Variants in FCRL1 observed in about 807,000 individuals in gnomAD.
FCRL1 encodes Fc receptor-like protein 1.
A neutral mutation model predicts 49.2 loss-of-function variants in FCRL1; 34 were observed. That is an observed-to-expected ratio of 0.69 (90% CI 0.53 to 0.92). The LOEUF is 0.92. FCRL1 is among the 40% of genes least tolerant of loss of function. The pLI, the probability that FCRL1 is intolerant of heterozygous loss-of-function variation, is 0.00. For synonymous variants in FCRL1, 218 were observed against 201.6 expected, an observed-to-expected ratio of 1.08 and a Z score of -0.69; for missense variants, 524 against 524.1, an observed-to-expected ratio of 1.00 and a Z score of 0.00.
At chr1:157,800,025 A>G (rs1381523584) in intron 7 of FCRL1, 33 bp downstream of exon 7, 4 of 1,586,370 alleles carry the variant, frequency 2.5e-6, no homozygotes, top group South Asian at 1.1e-5. Flanking sequence ...ATTTTTCTGC[A>G]TTATTGACAC....
intron 2 of FCRL1, among the ~76,000 whole-genome samples, chr1:157,804,857 CTT>C (rs10715283): frequency 1.7e-4 from 24 of 140,776 alleles, no homozygotes; most frequent in African/African-American, 3.8e-4. Flanking sequence ...TTTTCTTTTT[CTT>C]TTTTTTTTTT....
intron 2 of FCRL1, among the ~76,000 whole-genome samples, chr1:157,805,173 G>T (rs1198489542): frequency 1.3e-5 from 2 of 152,036 alleles, no homozygotes; most frequent in Non-Finnish European, 2.9e-5. Context: ...GCTCTTTTCT[G>T]GTGATAAGAT....
In FCRL1 at chr1:157,797,100, C is replaced by G. The variant is rs1172990433; in HGVS notation, c.1218+1G>C. 2 of 1,613,512 alleles carry G rather than the reference C, an allele frequency of 1.2e-6. No homozygotes were observed. The highest frequency in any genetic ancestry group is 2.7e-5 in the African/African-American group (2 of 74,886). ...GAAGAAAGAACAATAGAGACTCTTA[C>G]CTTGTCCTCCATATGTGTCCCCAGG... On this transcript the variant is annotated splice_donor_variant, in intron 10 of 10. Transcript: ENST00000368176. LOFTEE classifies it high-confidence loss of function.
At chr1:157,799,193 G>T (rs1177936456) in intron 7 of FCRL1, among the ~76,000 whole-genome samples, 2 of 152,032 alleles carry the variant, frequency 1.3e-5, no homozygotes, top group African/African-American at 2.4e-5. Flanking sequence ...TACAGACAGG[G>T]TTTCACCATG....
At chr1:157,800,231 G>A in intron 6 of FCRL1, 146 bp from the exon 7 acceptor site, 7 of 576,150 alleles carry the variant, frequency 1.2e-5, no homozygotes, top group Middle Eastern at 2.8e-4. Context: ...AGACATCCTG[G>A]CAATCATTTA....
Position 157,804,018 on chromosome 1 carries a change from T to C in FCRL1, c.146A>G (p.Gln49Arg). 2 of 1,614,224 alleles carry C rather than the reference T, an allele frequency of 1.2e-6. No individual in the cohort carries two copies. The highest frequency in any genetic ancestry group is 1.7e-6 in the Non-Finnish European group (2 of 1,180,030). Reference sequence around the variant, plus strand: ...GTCTCTGAAAAAGCAGAACTGGAACTGGGCATCTGAACTCTGTAGAAAGGG... The same window carrying C: ...GTCTCTGAAAAAGCAGAACTGGAACCGGGCATCTGAACTCTGTAGAAAGGG... ...KMPFLQSSDA[Q>R]FQFCFFRDTR... is the part of the protein sequence containing the mutation. Residue 49 changes from glutamine (Q) to arginine (R), a missense_variant, in exon 3 of 11, where the codon CAG becomes CGG. Transcript: ENST00000368176.
chr1:157,820,010 A>C lies in FCRL1; in HGVS notation c.28T>G (p.Cys10Gly). 2 of 1,614,140 alleles carry C rather than the reference A, an allele frequency of 1.2e-6. No homozygotes were observed. The highest frequency in any genetic ancestry group is 2.2e-5 in the South Asian group (2 of 91,078). ...TGCTCTGAGTTGCCCAACTCACCAC[A>C]GATCAACAGCAACAGCCTCGGCAGC... MLPRLLLLI[C>G]APLCEPAELF... Residue 10 changes from cysteine (C) to glycine (G), a missense_variant, in exon 1 of 11, where the codon TGT (cysteine) becomes GGT (glycine). Coordinates refer to ENST00000368176, the MANE Select transcript of FCRL1 (RefSeq NM_052938.5).
chr1:157,799,287 A>C (rs1266372762), intron 7 of FCRL1, among the ~76,000 whole-genome samples: 1 of 152,196 alleles, frequency 6.6e-6, no homozygotes, highest in Non-Finnish European at 1.5e-5. Context: ...GGTGCGAGCC[A>C]CTGTGCCCAG....
At chr1:157,797,694 C>G in intron 9 of FCRL1, 174 bp downstream of exon 9, 1 of 1,498,134 alleles carries the variant, frequency 6.7e-7, no homozygotes, top group South Asian at 1.2e-5. Context: ...AGCATTAGCT[C>G]TGGGCTCTAC....
intron 9 of FCRL1, among the ~76,000 whole-genome samples, 160 bp from the exon 10 acceptor site, chr1:157,797,292 C>T (rs985848636): frequency 1.3e-5 from 2 of 152,132 alleles, no homozygotes; most frequent in Non-Finnish European, 2.9e-5. Flanking sequence ...AATGTGATTC[C>T]CTTAGTAGCC....
In FCRL1 at chr1:157,794,809, TA is replaced by T. The variant is rs1452251314; in HGVS notation, c.*1289del. On this transcript the variant is annotated 3_prime_UTR_variant, in exon 11 of 11. Transcript: ENST00000368176. ...TTTATGTTGTGCATATTTACTACAA[TA>T]AAAAAAGAAAAAAGTTATGATTTAT... 2 of 151,982 alleles carry T rather than the reference TA, an allele frequency of 1.3e-5. No individual in the cohort carries two copies. Among genetic ancestry groups the T allele is most frequent in the East Asian group, 1.9e-4 (1 of 5,178 alleles). 9.4% of individuals were successfully genotyped at this position (151,982 alleles called of 1,614,324 possible). A position where few individuals can be genotyped will look rare whatever the true frequency, so the allele number is the denominator to read the frequency against.
intron 6 of FCRL1, 92 bp from the exon 7 acceptor site, chr1:157,800,177 C>T: frequency 8.1e-7 from 1 of 1,237,678 alleles, no homozygotes. Flanking sequence ...CAGGGATATG[C>T]CTCATGCTCA....
chr1:157,814,519 A>G (rs919728095), intron 1 of FCRL1, among the ~76,000 whole-genome samples: 2 of 151,930 alleles, frequency 1.3e-5, no homozygotes, highest in Non-Finnish European at 2.9e-5. Context: ...ATCCACCAAA[A>G]CACAAAGATA....
chr1:157,815,531 G>A (rs1009611229), intron 1 of FCRL1, among the ~76,000 whole-genome samples: 1 of 151,628 alleles, frequency 6.6e-6, no homozygotes, highest in African/African-American at 2.4e-5. Flanking sequence ...GTAACCTAAC[G>A]TTTCACCTCA....
rs1651588077 is a variant in FCRL1 at position 157,796,968 on chromosome 1, T to C, written c.1218+133A>G. 3 of 779,096 alleles carry C rather than the reference T, an allele frequency of 3.9e-6. No individual in the cohort carries two copies. In the East Asian group the frequency reaches 7.6e-5, roughly 20 times the overall value. 48.3% of individuals were successfully genotyped at this position (779,096 alleles called of 1,614,324 possible). A position where few individuals can be genotyped will look rare whatever the true frequency, so the allele number is the denominator to read the frequency against. On this transcript the variant is annotated intron_variant, in intron 10 of 10. Transcript: ENST00000368176. ...TTGTAACTATGTGTTTTTACCTCCATTGCTTTGGGATGTAGGGAAGAGGTA... is the reference window on the plus strand; with the variant it reads ...TTGTAACTATGTGTTTTTACCTCCACTGCTTTGGGATGTAGGGAAGAGGTA...
intron 2 of FCRL1, among the ~76,000 whole-genome samples, chr1:157,805,799 G>A (rs1653344267): frequency 6.6e-6 from 1 of 152,224 alleles, no homozygotes; most frequent in Non-Finnish European, 1.5e-5. Flanking sequence ...CAGAGGCTGA[G>A]GCAGGAGAAT....
In FCRL1 at chr1:157,803,826, T is replaced by C. The variant is rs1003738959; in HGVS notation, c.319+19A>G. On this transcript the variant is annotated intron_variant, in intron 3 of 10. Coordinates refer to ENST00000368176, the MANE Select transcript of FCRL1 (RefSeq NM_052938.5). Reference sequence around the variant, plus strand: ...CCCTTCTCAGCCTATCCTGGCAGACTGACCCCACTGACACTCACTGTGCAC... The same window carrying C: ...CCCTTCTCAGCCTATCCTGGCAGACCGACCCCACTGACACTCACTGTGCAC... 10 of 1,609,598 alleles carry C rather than the reference T, an allele frequency of 6.2e-6. No homozygotes were observed. Among genetic ancestry groups the C allele is most frequent in the African/African-American group, 2.7e-5 (2 of 74,888 alleles).
rs1651630298 is a variant in FCRL1 at position 157,797,124 on chromosome 1, G to C, written c.1195C>G (p.Leu399Val). The change falls in exon 10 of 11, where the codon CTG (leucine) becomes GTG (valine). Residue 399 changes from leucine (L) to valine (V), a missense_variant. Leu to Val is a conservative substitution (Grantham distance 32). Coordinates refer to ENST00000368176, the MANE Select transcript of FCRL1 (RefSeq NM_052938.5). ...ACCTTGTCCTCCATATGTGTCCCCAGGGTTTCTGCTGTGGAGAAAAGACAA... is the reference window on the plus strand; with the variant it reads ...ACCTTGTCCTCCATATGTGTCCCCACGGTTTCTGCTGTGGAGAAAAGACAA... ...PEQESVAAET[L>V]GTHMEDKVSL... 6.2e-7 allele frequency: 1 copy of C among 1,613,964 alleles called. No homozygotes were observed. The highest frequency in any genetic ancestry group is 8.5e-7 in the Non-Finnish European group (1 of 1,179,856).
At position 157,800,826 on chromosome 1, in the gene FCRL1, T is replaced by C. The variant is rs143215429; in HGVS notation, c.1003+635A>G. On this transcript the variant is annotated intron_variant, in intron 6 of 10. Coordinates refer to ENST00000368176, the MANE Select transcript of FCRL1 (RefSeq NM_052938.5). ...ATGCACTGACTTTAGTACTGCGATA[T>C]AGTCAGGATAGCTGGAACTGCTAAC... 5.2e-4 allele frequency among the ~76,000 whole-genome samples: 79 copies of C among 152,044 alleles called. 1 individual carries two copies. The highest frequency in any genetic ancestry group is 2.4e-3 in the Admixed American group (37 of 15,266).
Sources: allele counts gnomAD v4.1 joint callset (sites outside exome capture counted in the v4.1 genomes callset), GRCh38; gene constraint gnomAD v4.1.1; transcripts MANE v1.5; gene names NCBI Gene and HGNC (gene_info 2026-07-23, HGNC 2026-07-21).